Variants in LARGE1 observed in about 807,000 individuals in gnomAD.
LARGE1 encodes the protein LARGE xylosyl- and glucuronyltransferase 1, also known as xylosyl- and glucuronyltransferase LARGE1.
LARGE1 carries 43 observed loss-of-function variants against 87.6 expected under a neutral mutation model. The observed-to-expected ratio is 0.49, with a 90% CI of 0.38 to 0.63. The LOEUF is 0.63. Ranked by LOEUF, LARGE1 falls within the 30% of genes least tolerant of loss-of-function variation. The pLI is 0.00. For synonymous variants in LARGE1, 434 were observed against 394.6 expected (o/e 1.10, Z -1.18); for missense variants, 802 against 1,000.2 (o/e 0.80, Z 2.67).
In LARGE1 at chr22:33,283,087, C is replaced by T. The variant is rs755830830; in HGVS notation, c.1877+115G>A. ...GGAGAAAGCGGTGCTTTCCTGGCCT[C>T]ACAATGGACTAAGGCGAGCGACAAA... On this transcript the variant is annotated intron_variant, in intron 13 of 14. Transcript: ENST00000397394. 3.8e-6 allele frequency: 5 copies of T among 1,331,002 alleles called. No individual in the cohort carries two copies. In the South Asian group the frequency reaches 4.7e-5, roughly 13 times the overall value. The allele number at this position is 1,331,002 out of a possible 1,614,324, so 82.4% of individuals were successfully genotyped here.
chr22:33,148,774 G>A, the LARGE1 span, among the ~76,000 whole-genome samples: 1 of 152,026 alleles, frequency 6.6e-6, no homozygotes, highest in African/African-American at 2.4e-5. Flanking sequence ...TATTCTGGTA[G>A]GTGTGTAATA....
intron 1 of LARGE1, among the ~76,000 whole-genome samples, chr22:33,846,263 C>G (rs1213313692): frequency 6.6e-6 from 1 of 152,206 alleles, no homozygotes; most frequent in Non-Finnish European, 1.5e-5. Flanking sequence ...CAAATTAATA[C>G]TTTTATAATT....
rs557218724 is a variant in LARGE1 at position 33,866,618 on chromosome 22, A to C, written c.-83+53377T>G. Among the ~76,000 whole-genome samples the C allele has an allele frequency of 1.1e-3, 161 of 152,280 alleles. 1 individual carries two copies. The highest frequency in any genetic ancestry group is 3.9e-3 in the African/African-American group (160 of 41,548). On this transcript the variant is annotated intron_variant, in intron 1 of 14. Transcript: ENST00000397394. ...TGGGGATAATGTAGCTACATTATTC[A>C]GTCATAATAAGGATTATCTGCTCTG...
chr22:33,306,285 T>C (rs1934914262), intron 11 of LARGE1, among the ~76,000 whole-genome samples: 1 of 152,230 alleles, frequency 6.6e-6, no homozygotes, highest in Non-Finnish European at 1.5e-5. Flanking sequence ...GCACCTGTTT[T>C]ACCTTCTGCA....
At chr22:33,271,121 T>C (rs896863425), downstream of LARGE1, among the ~76,000 whole-genome samples, 22 of 152,202 alleles carry the variant, frequency 1.4e-4, no homozygotes, top group African/African-American at 4.1e-4. Context: ...TTTTAGGAGA[T>C]TGCTGTCTGG....
At chr22:33,402,745 C>G (rs2065965112) in intron 7 of LARGE1, among the ~76,000 whole-genome samples, 1 of 152,094 alleles carries the variant, frequency 6.6e-6, no homozygotes, top group Non-Finnish European at 1.5e-5. Flanking sequence ...TATTTTTAAC[C>G]AAACTAGTTT....
At chr22:33,886,695 G>A (rs948659015) in intron 1 of LARGE1, among the ~76,000 whole-genome samples, 2 of 149,614 alleles carry the variant, frequency 1.3e-5, no homozygotes, top group African/African-American at 2.4e-5. Flanking sequence ...GGAAGGGAGG[G>A]AGGGAAGGAG....
intron 4 of LARGE1, among the ~76,000 whole-genome samples, chr22:33,612,030 C>T (rs2079444513): frequency 6.6e-6 from 1 of 152,206 alleles, no homozygotes. Flanking sequence ...GATGCTGGCA[C>T]CATGCTTGTG....
the LARGE1 span, among the ~76,000 whole-genome samples, chr22:33,092,456 T>A: frequency 6.6e-6 from 1 of 152,142 alleles, no homozygotes; most frequent in South Asian, 2.1e-4. Context: ...CTTTTTTAAA[T>A]TTAAATTTTA....
rs2277840 is a variant in LARGE1 at position 33,856,557 on chromosome 22, G to A, written c.-83+63438C>T. ...CTGTGTCTTCTTTGGTGAAAGAACC[G>A]GATTACAGCCCTAAACTTAGAGGCG... On this transcript the variant is annotated intron_variant, in intron 1 of 14. Transcript: ENST00000397394. 0.82 allele frequency among the ~76,000 whole-genome samples: 124,720 copies of A among 152,172 alleles called. 51,207 individuals are homozygous for A. Among genetic ancestry groups the A allele is most frequent in the South Asian group, 0.88 (4,256 of 4,828 alleles).
At chr22:33,767,955 C>A (rs1267599955) in intron 1 of LARGE1, among the ~76,000 whole-genome samples, 2 of 152,240 alleles carry the variant, frequency 1.3e-5, no homozygotes, top group African/African-American at 2.4e-5. Flanking sequence ...ACCTTTCTTA[C>A]AAGGTGCTGT....
chr22:33,802,909 T>C (rs1371005534), intron 1 of LARGE1, among the ~76,000 whole-genome samples: 1 of 152,000 alleles, frequency 6.6e-6, no homozygotes, highest in Non-Finnish European at 1.5e-5. Context: ...GCCTAACACA[T>C]AATCAAAGCT....
intron 11 of LARGE1, among the ~76,000 whole-genome samples, chr22:33,239,165 A>C (rs1469514398): frequency 6.6e-6 from 1 of 152,030 alleles, no homozygotes; most frequent in Non-Finnish European, 1.5e-5. Flanking sequence ...ATAGAATACT[A>C]TGCTAAACAT....
intron 2 of LARGE1, among the ~76,000 whole-genome samples, chr22:33,679,065 A>G (rs2081666565): frequency 1.3e-5 from 2 of 152,190 alleles, no homozygotes; most frequent in African/African-American, 4.8e-5. Flanking sequence ...AACTCTCCAG[A>G]TAATATTTTT....
At chr22:33,548,310 C>A (rs1476162016) in intron 6 of LARGE1, among the ~76,000 whole-genome samples, 9 of 152,218 alleles carry the variant, frequency 5.9e-5, no homozygotes. Flanking sequence ...ACTGTAAGCT[C>A]CTTGAGGCCT....
At chr22:33,801,783 G>A (rs1472076808) in intron 1 of LARGE1, among the ~76,000 whole-genome samples, 1 of 152,026 alleles carries the variant, frequency 6.6e-6, no homozygotes, top group Non-Finnish European at 1.5e-5. Flanking sequence ...ATCAGAAGAG[G>A]TACCTGGACA....
At chr22:33,809,874 C>T (rs1406240802) in intron 1 of LARGE1, among the ~76,000 whole-genome samples, 1 of 151,458 alleles carries the variant, frequency 6.6e-6, no homozygotes, top group Non-Finnish European at 1.5e-5. Flanking sequence ...AAACCAGAAG[C>T]TTGTGTTAAA....
At chr22:33,866,269 G>A (rs2064100731) in intron 1 of LARGE1, among the ~76,000 whole-genome samples, 1 of 152,204 alleles carries the variant, frequency 6.6e-6, no homozygotes, top group South Asian at 2.1e-4. Context: ...CCAGCCTGTT[G>A]TTCTTTAGAG....
intron 2 of LARGE1, among the ~76,000 whole-genome samples, chr22:33,738,558 G>A (rs1263188484): frequency 6.6e-6 from 1 of 152,196 alleles, no homozygotes; most frequent in Admixed American, 6.5e-5. Flanking sequence ...TGGTTGGGCA[G>A]TCGTAAGAGA....
Sources: allele counts gnomAD v4.1 joint callset (sites outside exome capture counted in the v4.1 genomes callset), GRCh38; gene constraint gnomAD v4.1.1; transcripts MANE v1.5; gene names NCBI Gene and HGNC (gene_info 2026-07-23, HGNC 2026-07-21).